The following ARID4A variants were observed in gnomAD, a reference collection of about 807,000 sequenced individuals.
ARID4A encodes AT-rich interactive domain-containing protein 4A.
ARID4A carries 39 observed loss-of-function variants against 148.6 expected under a neutral mutation model. The observed-to-expected ratio is 0.26, with a 90% CI of 0.20 to 0.34. The LOEUF is 0.34. ARID4A is among the 10% of genes least tolerant of loss of function. ARID4A has a pLI of 1.00. For missense variants in ARID4A, 1,265 were observed against 1,449.1 expected (o/e 0.87, Z 2.06); for synonymous variants, 475 against 481.2 (o/e 0.99, Z 0.17).
rs761618783 is a variant in ARID4A, at chr14:58,351,058, T to C, written c.1405-15T>C. ...ATAGTGATAGCTATTTTAAAGCTTTTATCCCCTCTACTAGGGACGAAGGAG... is the reference window on the plus strand; with the variant it reads ...ATAGTGATAGCTATTTTAAAGCTTTCATCCCCTCTACTAGGGACGAAGGAG... On this transcript the variant is annotated splice_polypyrimidine_tract_variant and intron_variant, in intron 15 of 23. Transcript: ENST00000355431. 3.8e-5 allele frequency: 59 copies of C among 1,571,172 alleles called. No individual in the cohort carries two copies. The highest frequency in any genetic ancestry group is 5.0e-5 in the Non-Finnish European group (59 of 1,168,580).
rs774375242 is a variant in ARID4A, at chr14:58,353,649, T to C, written c.1656-9T>C. ...TTAGTAGCATTATCAGTATTATAAC[T>C]TACTGCAGGGAAGAAACTGAAAGCA... On this transcript the variant is annotated splice_polypyrimidine_tract_variant and intron_variant, in intron 16 of 23. Transcript: ENST00000355431. 5 of 1,611,564 alleles carry C rather than the reference T, an allele frequency of 3.1e-6. No homozygotes were observed. The African/African-American group carries it at 4.0e-5, about 13-fold the overall frequency.
In ARID4A at chr14:58,330,149, A is replaced by G; in HGVS notation, c.886A>G (p.Lys296Glu). The G allele has an allele frequency of 1.2e-6, 2 of 1,611,864 alleles. No individual in the cohort carries two copies. The highest frequency in any genetic ancestry group is 2.7e-5 in the African/African-American group (2 of 74,880). The change falls in exon 11 of 24, where the codon AAA (lysine) becomes GAA (glutamate). Residue 296 changes from lysine to glutamate, a missense_variant. Lys to Glu is a moderately conservative substitution (Grantham distance 56). Transcript: ENST00000355431. ...TGATGAAGAGAAGGAAAAGGAGGCC[A>G]AAAAGACAGAAGAAGAGGTGGTAGG... ...ENDEEKEKEAKKTEEEVPEEE... is the reference protein window; with the variant it reads ...ENDEEKEKEAEKTEEEVPEEE...
At position 58,347,719 on chromosome 14, in the gene ARID4A, A is replaced by G. The variant is rs759724461; in HGVS notation, c.1245A>G (p.Pro415=). 5.0e-6 allele frequency: 8 copies of G among 1,614,006 alleles called. 1 individual carries two copies. In the South Asian group the frequency reaches 6.6e-5, roughly 13 times the overall value. Residue 415 remains proline, a synonymous_variant, in exon 15 of 24, where the codon CCA becomes CCG. Coordinates refer to ENST00000355431, the MANE Select transcript of ARID4A (RefSeq NM_002892.4). The stretch of plus-strand genomic sequence containing the variant: ...TCAGAACTGTTCATCACCATGAACC[A>G]AAAGTAAAAGAGGAAAAAAAAGACT... ...IQFRTVHHHE[P]KVKEEKKDLE...
intron 3 of ARID4A, chr14:58,303,685 G>A (rs767680628): frequency 6.7e-6 from 2 of 298,906 alleles, no homozygotes; most frequent in East Asian, 8.7e-5. Flanking sequence ...CAGACCAGCA[G>A]CATCAGCCTT....
chr14:58,355,578 G>A (rs542401044), intron 17 of ARID4A, among the ~76,000 whole-genome samples: 53 of 152,332 alleles, frequency 3.5e-4, no homozygotes, highest in African/African-American at 1.2e-3. Flanking sequence ...CTGTGGCTAA[G>A]CAGGGACTAC....
intron 19 of ARID4A, 53 bp from the exon 20 acceptor site, chr14:58,364,117 A>G (rs2035248045): frequency 1.1e-6 from 1 of 939,280 alleles, no homozygotes; most frequent in Non-Finnish European, 1.4e-6. Flanking sequence ...TTATTGTAAA[A>G]TTACATTGGT....
chr14:58,334,138 A>C (rs2033677174), intron 11 of ARID4A, among the ~76,000 whole-genome samples: 1 of 152,142 alleles, frequency 6.6e-6, no homozygotes, highest in African/African-American at 2.4e-5. Context: ...CCACATTTGT[A>C]CACAAAAATA....
intron 11 of ARID4A, among the ~76,000 whole-genome samples, chr14:58,339,983 C>T (rs988271859): frequency 2.6e-5 from 4 of 152,108 alleles, no homozygotes; most frequent in African/African-American, 7.2e-5. Context: ...GATCCAATCA[C>T]CTCCCACCAG....
intron 2 of ARID4A, among the ~76,000 whole-genome samples, chr14:58,300,104 G>T (rs1469201063): frequency 6.6e-6 from 1 of 152,156 alleles, no homozygotes; most frequent in Non-Finnish European, 1.5e-5. Flanking sequence ...TGTCCATTCG[G>T]ATAGTATTTT....
intron 2 of ARID4A, 42 bp downstream of exon 2, chr14:58,299,902 A>C: frequency 3.1e-6 from 5 of 1,613,208 alleles, no homozygotes; most frequent in Non-Finnish European, 4.2e-6. Context: ...CGCCCTGAAC[A>C]CTGCCAATCC....
At chr14:58,325,487 G>A (rs2033158101) in intron 8 of ARID4A, among the ~76,000 whole-genome samples, 1 of 152,192 alleles carries the variant, frequency 6.6e-6, no homozygotes, top group South Asian at 2.1e-4. Context: ...GTTTTGCCAT[G>A]TTCTCCAGGC....
In ARID4A at chr14:58,373,009, G is replaced by T. The variant is rs565690110; in HGVS notation, c.*1020G>T. ...ACAGGAGGTTGCATCCTGCAGCCTTGCCTGTGTTAAAGGGAGTCTGTCTCA... is the reference window on the plus strand; with the variant it reads ...ACAGGAGGTTGCATCCTGCAGCCTTTCCTGTGTTAAAGGGAGTCTGTCTCA... On this transcript the variant is annotated 3_prime_UTR_variant, in exon 24 of 24. Transcript: ENST00000355431. 3.6e-5 allele frequency: 7 copies of T among 195,276 alleles called. No individual in the cohort carries two copies. In the East Asian group the frequency reaches 5.6e-4, roughly 16 times the overall value. The allele number at this position is 195,276 out of a possible 1,614,324, so 12.1% of individuals were successfully genotyped here. A position where few individuals can be genotyped will look rare whatever the true frequency, so the allele number is the denominator to read the frequency against.
intron 1 of ARID4A, chr14:58,299,376 CGAGGG>C (rs1418466088): frequency 6.3e-6 from 1 of 157,926 alleles, no homozygotes; most frequent in Non-Finnish European, 1.4e-5. Flanking sequence ...CGGGGCGGGC[CGAGGG>C]GGCCGAGCGG....
At chr14:58,322,980 A>AAAAT (rs1255021613) in intron 7 of ARID4A, among the ~76,000 whole-genome samples, 26 of 114,302 alleles carry the variant, frequency 2.3e-4, no homozygotes, top group African/African-American at 2.8e-4. Context: ...AAAAAAAAAA[A>AAAAT]ATATATATAT....
At chr14:58,356,270 C>G (rs1411300157) in intron 17 of ARID4A, among the ~76,000 whole-genome samples, 3 of 152,184 alleles carry the variant, frequency 2.0e-5, no homozygotes. Flanking sequence ...TCTGATACCT[C>G]CTATGGAATT....
At chr14:58,326,103 G>A (rs1229817418) in intron 8 of ARID4A, among the ~76,000 whole-genome samples, 2 of 152,120 alleles carry the variant, frequency 1.3e-5, no homozygotes, top group African/African-American at 4.8e-5. Flanking sequence ...TTTGAGGTGA[G>A]CTTTGAAGGA....
At chr14:58,320,958 C>A (rs565866809) in intron 7 of ARID4A, among the ~76,000 whole-genome samples, 107 of 152,230 alleles carry the variant, frequency 7.0e-4, no homozygotes, top group African/African-American at 2.5e-3. Context: ...GTAACCTGTT[C>A]CCTAATATGT....
chr14:58,305,162 GA>G (rs2031503543), intron 4 of ARID4A, among the ~76,000 whole-genome samples, 153 bp downstream of exon 4: 2 of 152,096 alleles, frequency 1.3e-5, no homozygotes, highest in South Asian at 4.1e-4. Context: ...TATAAATTGT[GA>G]TATTGCAATG....
At chr14:58,305,979 A>C in intron 4 of ARID4A, 43 bp from the exon 5 acceptor site, 1 of 1,446,888 alleles carries the variant, frequency 6.9e-7, no homozygotes, top group South Asian at 1.1e-5. Flanking sequence ...GATTTGGTTT[A>C]TTTGTTTAAA....
Sources: gnomAD v4.1 joint callset for allele counts (sites outside exome capture counted in the v4.1 genomes callset) on GRCh38, gnomAD v4.1.1 for gene constraint, MANE v1.5 for transcripts, NCBI Gene and HGNC (gene_info 2026-07-23, HGNC 2026-07-21) for gene names.